Variants in ALK observed in about 807,000 individuals in gnomAD.
ALK encodes the protein ALK tyrosine kinase receptor.
Under a neutral mutation model 163.1 loss-of-function variants are expected in ALK, and 74 were observed. That is an observed-to-expected ratio of 0.45 (90% CI 0.38 to 0.55). The LOEUF (loss-of-function observed/expected upper bound fraction) is 0.55. ALK is among the 20% of genes least tolerant of loss of function. The pLI is 0.00. For synonymous variants in ALK, 960 were observed against 843.2 expected (o/e 1.14, Z -2.40); for missense variants, 2,063 against 2,105.3 (o/e 0.98, Z 0.39).
intron 16 of ALK, 77 bp downstream of exon 16, chr2:29,228,807 G>A: frequency 1.0e-6 from 1 of 984,070 alleles, no homozygotes; most frequent in East Asian, 2.4e-5. Flanking sequence ...GGAGGGCAGG[G>A]GAGGGCAGGG....
chr2:29,431,950 G>GTCCCATCCCA (rs1024710252), intron 4 of ALK, among the ~76,000 whole-genome samples: 1 of 151,772 alleles, frequency 6.6e-6, no homozygotes, highest in Non-Finnish European at 1.5e-5. Context: ...GTCCAGTCCC[G>GTCCCATCCCA]TCCCATCCCA....
chr2:29,380,488 G>T (rs1668869158), intron 5 of ALK, among the ~76,000 whole-genome samples: 1 of 151,274 alleles, frequency 6.6e-6, no homozygotes, highest in Non-Finnish European at 1.5e-5. Context: ...GTGCCATCTT[G>T]GCTCACCGCA....
Position 29,839,277 on chromosome 2 carries a change from A to T in ALK, c.667+80716T>A, listed in dbSNP as rs548754952. On this transcript the variant is annotated intron_variant, in intron 1 of 28. Transcript: ENST00000389048. Reference sequence around the variant, plus strand: ...TCTTGCGTGTTCTAATCTCCCTTCAATAAACAAATATTATTTATATAATAA... The same window carrying T: ...TCTTGCGTGTTCTAATCTCCCTTCATTAAACAAATATTATTTATATAATAA... Among the ~76,000 whole-genome samples, 69 of 152,282 alleles carry T rather than the reference A, an allele frequency of 4.5e-4. 1 individual carries two copies. The highest frequency in any genetic ancestry group is 1.6e-3 in the African/African-American group (67 of 41,544).
chr2:29,453,036 A>G (rs2148094200), intron 4 of ALK, among the ~76,000 whole-genome samples: 1 of 152,370 alleles, frequency 6.6e-6, no homozygotes, highest in African/African-American at 2.4e-5. Flanking sequence ...CTGAACTGGA[A>G]AAATGAGTAG....
At chr2:29,424,543 G>C (rs1198067202) in intron 4 of ALK, among the ~76,000 whole-genome samples, 1 of 152,194 alleles carries the variant, frequency 6.6e-6, no homozygotes, top group Non-Finnish European at 1.5e-5. Context: ...AAGTCAAGAA[G>C]GTTGCCATGG....
intron 4 of ALK, among the ~76,000 whole-genome samples, chr2:29,386,893 C>T (rs1669044787): frequency 6.6e-6 from 1 of 152,226 alleles, no homozygotes; most frequent in Non-Finnish European, 1.5e-5. Context: ...AATCTAAACT[C>T]TCTTCTTGGT....
intron 4 of ALK, among the ~76,000 whole-genome samples, chr2:29,384,487 C>T (rs112851613): frequency 4.8e-4 from 73 of 152,190 alleles, no homozygotes; most frequent in Non-Finnish European, 8.8e-4. Flanking sequence ...ATGGCGAGCT[C>T]GGCACCCACC....
intron 1 of ALK, among the ~76,000 whole-genome samples, chr2:29,759,436 T>TGTGC (rs534308581): frequency 7.9e-5 from 12 of 152,278 alleles, no homozygotes; most frequent in African/African-American, 2.9e-4. Flanking sequence ...TGTGTGCATG[T>TGTGC]GTGCGTGCGT....
At position 29,255,284 on chromosome 2, in the gene ALK, C is replaced by T. The variant is rs186742344; in HGVS notation, c.2042-4017G>A. On this transcript the variant is annotated intron_variant, in intron 11 of 28. Coordinates refer to ENST00000389048, the MANE Select transcript of ALK (RefSeq NM_004304.5). Reference sequence around the variant, plus strand: ...CATCTGCTGGTTCCCTTTGTTCATACTGTCTGCAATCCTGTAGTCATCAGA... The same window carrying T: ...CATCTGCTGGTTCCCTTTGTTCATATTGTCTGCAATCCTGTAGTCATCAGA... 9.8e-5 allele frequency among the ~76,000 whole-genome samples: 15 copies of T among 152,312 alleles called. No individual in the cohort carries two copies. In the East Asian group the frequency reaches 2.5e-3, roughly 26 times the overall value.
intron 1 of ALK, among the ~76,000 whole-genome samples, chr2:29,739,927 C>T (rs905800620): frequency 6.6e-6 from 1 of 152,056 alleles, no homozygotes; most frequent in Admixed American, 6.6e-5. Context: ...ACTAAGGATG[C>T]AACTAGAAAT....
chr2:29,403,540 G>C (rs1009486617), intron 4 of ALK, among the ~76,000 whole-genome samples: 2 of 151,906 alleles, frequency 1.3e-5, no homozygotes, highest in Non-Finnish European at 2.9e-5. Context: ...CAACTGTTTA[G>C]AATGTTACTG....
intron 1 of ALK, among the ~76,000 whole-genome samples, chr2:29,830,997 G>T (rs1665373677): frequency 1.8e-5 from 1 of 54,940 alleles, no homozygotes; most frequent in Non-Finnish European, 3.7e-5. Flanking sequence ...AGAAGAAGAA[G>T]AAGAAGAAGA....
intron 3 of ALK, among the ~76,000 whole-genome samples, chr2:29,623,422 T>A (rs1014935865): frequency 1.3e-5 from 2 of 152,114 alleles, no homozygotes; most frequent in African/African-American, 4.8e-5. Context: ...GATAAAACAT[T>A]AAATGAAAAT....
chr2:29,785,543 C>T (rs947793950), intron 1 of ALK, among the ~76,000 whole-genome samples: 31 of 152,114 alleles, frequency 2.0e-4, no homozygotes, highest in African/African-American at 7.5e-4. Flanking sequence ...TCCATTTGTC[C>T]ACAACCTTTC....
At chr2:29,872,825 T>G (rs1415144469) in intron 1 of ALK, among the ~76,000 whole-genome samples, 1 of 152,250 alleles carries the variant, frequency 6.6e-6, no homozygotes, top group Non-Finnish European at 1.5e-5. Flanking sequence ...ATCTCTGCCA[T>G]AGATCTGCCC....
At chr2:29,208,289 G>A (rs896095485) in intron 25 of ALK, among the ~76,000 whole-genome samples, 5 of 152,134 alleles carry the variant, frequency 3.3e-5, no homozygotes, top group Admixed American at 6.5e-5. Context: ...TTCCTGACCC[G>A]TGCCATTGTA....
intron 1 of ALK, among the ~76,000 whole-genome samples, chr2:29,752,187 TTTA>T (rs1352571920): frequency 6.6e-6 from 1 of 152,118 alleles, no homozygotes; most frequent in Non-Finnish European, 1.5e-5. Flanking sequence ...CCTTTTTTTG[TTTA>T]TTTTTATTAT....
intron 9 of ALK, among the ~76,000 whole-genome samples, chr2:29,293,844 T>TATATTTCATGTAACAGCCAGGG (rs6146694): frequency 0.9 from 136,175 of 152,148 alleles, 62,106 homozygotes; most frequent in Non-Finnish European, 0.98. Context: ...TGGTCAGATT[T>TATATTTCATGTAACAGCCAGGG]CCAATACCGT....
intron 4 of ALK, among the ~76,000 whole-genome samples, chr2:29,518,814 C>T (rs528219873): frequency 1.3e-5 from 2 of 152,264 alleles, no homozygotes; most frequent in African/African-American, 4.8e-5. Flanking sequence ...CTGTATGACT[C>T]TAGAGGACAA....
Sources: allele counts gnomAD v4.1 joint callset (sites outside exome capture counted in the v4.1 genomes callset), GRCh38; gene constraint gnomAD v4.1.1; transcripts MANE v1.5; gene names NCBI Gene and HGNC (gene_info 2026-07-23, HGNC 2026-07-21).